Variants in KMT2E observed in about 807,000 individuals in gnomAD.
KMT2E encodes the protein histone reader KMT2E.
KMT2E carries 30 observed loss-of-function variants against 184.6 expected under a neutral mutation model. That is an observed-to-expected ratio of 0.16 (90% CI 0.12 to 0.22). KMT2E has a LOEUF of 0.22. Ranked by LOEUF, KMT2E falls within the 10% of genes least tolerant of loss-of-function variation. The pLI is 1.00. For synonymous variants in KMT2E, 815 were observed against 776.5 expected (o/e 1.05, Z -0.82); for missense variants, 2,023 against 2,237.4 (o/e 0.90, Z 1.93).
In KMT2E at chr7:105,090,129, AAAAGAC is replaced by A. The variant is rs1205941354; in HGVS notation, c.1485_1490del (p.Lys496_Asp497del). The A allele has an allele frequency of 1.2e-5, 19 of 1,613,480 alleles. No homozygotes were observed. The highest frequency in any genetic ancestry group is 1.4e-5 in the Non-Finnish European group (17 of 1,179,774). Reference sequence around the variant, plus strand: ...ATGAGACCAGACGGAAAAAAGGAAAAAAAGACAAAGATATTTCAAAAGAAAAAGATA... The same window carrying A: ...ATGAGACCAGACGGAAAAAAGGAAAAAAAGATATTTCAAAAGAAAAAGATA... On this transcript the variant is annotated inframe_deletion, in exon 14 of 27. Coordinates refer to ENST00000311117, the MANE Select transcript of KMT2E (RefSeq NM_182931.3).
At chr7:105,041,392 G>A (rs1795874378) in intron 3 of KMT2E, among the ~76,000 whole-genome samples, 1 of 152,064 alleles carries the variant, frequency 6.6e-6, no homozygotes. Flanking sequence ...TAATTTGTTG[G>A]TGCTTGGGTT....
At position 105,101,576 on chromosome 7, in the gene KMT2E, C is replaced by A; in HGVS notation, c.1874C>A (p.Ala625Asp). ...AAAGATACACAGATTGTCAGTGATG[C>A]TGAAGTTATTCAGGTATTATTTATT... ...ECKDTQIVSD[A>D]EVIQEQAKEE... Residue 625 changes from alanine (A) to aspartate (D), a missense_variant, in exon 16 of 27, where the codon GCT (alanine) becomes GAT (aspartate). Coordinates refer to ENST00000311117, the MANE Select transcript of KMT2E (RefSeq NM_182931.3). 1 of 1,543,882 alleles carries A rather than the reference C, an allele frequency of 6.5e-7. No homozygotes were observed. The highest frequency in any genetic ancestry group is 2.4e-5 in the East Asian group (1 of 42,150).
At chr7:105,054,397 GAA>G (rs1163489117) in intron 3 of KMT2E, among the ~76,000 whole-genome samples, 1 of 148,802 alleles carries the variant, frequency 6.7e-6, no homozygotes, top group Non-Finnish European at 1.5e-5. Flanking sequence ...GGAACTCAAG[GAA>G]AAAAAAAGGA....
At chr7:105,036,935 C>A (rs1312163735) in intron 1 of KMT2E, among the ~76,000 whole-genome samples, 2 of 152,132 alleles carry the variant, frequency 1.3e-5, no homozygotes, top group African/African-American at 2.4e-5. Flanking sequence ...CTTGCCCAAG[C>A]ATTCGTAGGT....
At chr7:105,083,071 C>G (rs566362003) in intron 13 of KMT2E, among the ~76,000 whole-genome samples, 2 of 152,266 alleles carry the variant, frequency 1.3e-5, no homozygotes, top group African/African-American at 4.8e-5. Flanking sequence ...TCCATGATCT[C>G]TTTCATGATT....
intron 1 of KMT2E, among the ~76,000 whole-genome samples, chr7:105,036,818 C>T (rs1231306167): frequency 6.6e-6 from 1 of 152,118 alleles, no homozygotes; most frequent in Non-Finnish European, 1.5e-5. Flanking sequence ...TTTTTAGAAT[C>T]TAAAATTCTG....
Position 105,107,167 on chromosome 7 carries a change from A to G in KMT2E, c.2849A>G (p.Asn950Ser). 1.4e-6 allele frequency: 2 copies of G among 1,468,802 alleles called. No homozygotes were observed. The highest frequency in any genetic ancestry group is 1.4e-5 in the African/African-American group (1 of 70,970). 91.0% of individuals were successfully genotyped at this position (1,468,802 alleles called of 1,614,324 possible). A position where few individuals can be genotyped will look rare whatever the true frequency, so the allele number is the denominator to read the frequency against. Reference protein sequence around the residue: ...GTPGNTMHFENISSPESSPEI... With the variant: ...GTPGNTMHFESISSPESSPEI... Reference sequence around the variant, plus strand: ...TTCTAATTCTTTCTTTATATACAGAATATTTCTTCCCCAGAAAGTTCTCCA... The same window carrying G: ...TTCTAATTCTTTCTTTATATACAGAGTATTTCTTCCCCAGAAAGTTCTCCA... Residue 950 changes from asparagine (N) to serine (S), a missense_variant and splice_region_variant, in exon 21 of 27, where the codon AAT becomes AGT. Asn to Ser is a conservative substitution (Grantham distance 46, BLOSUM62 1). Transcript: ENST00000311117.
At chr7:105,041,471 A>G (rs1473279088) in intron 3 of KMT2E, among the ~76,000 whole-genome samples, 1 of 152,058 alleles carries the variant, frequency 6.6e-6, no homozygotes, top group Non-Finnish European at 1.5e-5. Flanking sequence ...GCTCTATCTC[A>G]GCTCATTGCA....
At chr7:105,025,616 G>C (rs1300112550) in intron 1 of KMT2E, among the ~76,000 whole-genome samples, 1 of 152,114 alleles carries the variant, frequency 6.6e-6, no homozygotes, top group East Asian at 1.9e-4. Context: ...ACTTTCTGCT[G>C]CTTCCACCAG....
intron 17 of KMT2E, chr7:105,102,869 G>T (rs1309835880): frequency 6.6e-6 from 1 of 152,206 alleles, no homozygotes; most frequent in African/African-American, 2.4e-5. Flanking sequence ...TTCTGTCTTT[G>T]TTCTTACCTA....
At chr7:105,089,304 T>G in intron 13 of KMT2E, 1 of 411,910 alleles carries the variant, frequency 2.4e-6, no homozygotes, top group Non-Finnish European at 4.8e-6. Context: ...GTTCAGGCAA[T>G]TCTCCTGCCT....
rs187060721 is a variant in KMT2E at position 105,110,773 on chromosome 7, C to T, written c.3973C>T (p.Pro1325Ser). The T allele has an allele frequency of 4.3e-4, 689 of 1,612,630 alleles. 1 individual carries two copies. Among genetic ancestry groups the T allele is most frequent in the Admixed American group, 9.0e-4 (54 of 59,984 alleles). ...TATAGGTTTCTTCTGCTTTATAGAC[C>T]CTGATCCTGAAAATCCAGAACCCAC... Reference protein sequence around the residue: ...VPSFSELMEDPDPENPEPTTT... With the variant: ...VPSFSELMEDSDPENPEPTTT... Residue 1325 changes from proline to serine, a missense_variant and splice_region_variant, in exon 26 of 27, where the codon CCT (proline) becomes TCT (serine). Transcript: ENST00000311117.
intron 22 of KMT2E, 50 bp downstream of exon 22, chr7:105,107,975 T>C (rs757722824): frequency 3.8e-5 from 44 of 1,158,714 alleles, no homozygotes; most frequent in African/African-American, 3.1e-4. Context: ...TTTTTTTTTT[T>C]CATAATACTA....
chr7:105,112,302 G>A lies in KMT2E; in HGVS notation c.4546G>A (p.Gly1516Arg), dbSNP rs760825586. The A allele has an allele frequency of 3.7e-6, 6 of 1,613,786 alleles. No individual in the cohort carries two copies. In the African/African-American group the frequency reaches 8.0e-5, roughly 22 times the overall value. ...AGCCAATACTCAGCAGGCAACTTCTGGAACATTATTTACACAGACACCCTC... is the reference window on the plus strand; with the variant it reads ...AGCCAATACTCAGCAGGCAACTTCTAGAACATTATTTACACAGACACCCTC... ...LPANTQQATS[G>R]TLFTQTPSGQ... The change falls in exon 27 of 27, where the codon GGA becomes AGA. Residue 1516 changes from glycine (G) to arginine (R), a missense_variant. Transcript: ENST00000311117.
At chr7:105,057,548 G>T (rs1348226013) in intron 3 of KMT2E, among the ~76,000 whole-genome samples, 1 of 152,004 alleles carries the variant, frequency 6.6e-6, no homozygotes, top group Non-Finnish European at 1.5e-5. Context: ...TGTCTCAGGT[G>T]ATCCTTTTGC....
chr7:105,078,372 T>A (rs1163369268), intron 11 of KMT2E, among the ~76,000 whole-genome samples: 3 of 152,304 alleles, frequency 2.0e-5, no homozygotes, highest in Non-Finnish European at 4.4e-5. Flanking sequence ...AAGAGTGAAT[T>A]GTGGAGTCAG....
Position 105,105,898 on chromosome 7 carries a change from A to G in KMT2E, c.2491A>G (p.Ile831Val), listed in dbSNP as rs757934675. Reference sequence around the variant, plus strand: ...AGCTCTGGAAGAAGAAAATTCAGCAATTTTACATAGATTTAATTCACCCTG... The same window carrying G: ...AGCTCTGGAAGAAGAAAATTCAGCAGTTTTACATAGATTTAATTCACCCTG... ...KQALEEENSA[I>V]LHRFNSPCQE... Residue 831 changes from isoleucine (I) to valine (V), a missense_variant, in exon 19 of 27, where the codon ATT becomes GTT. By Grantham distance (29) the Ile-to-Val change is conservative (BLOSUM62 3). Coordinates refer to ENST00000311117, the MANE Select transcript of KMT2E (RefSeq NM_182931.3). The G allele has an allele frequency of 3.1e-6, 5 of 1,613,242 alleles. No homozygotes were observed. The highest frequency in any genetic ancestry group is 1.3e-5 in the African/African-American group (1 of 74,962).
chr7:105,071,598 ATATATATATATTTTTTTTT>A (rs1797308649), intron 6 of KMT2E, among the ~76,000 whole-genome samples: 1 of 63,288 alleles, frequency 1.6e-5, no homozygotes, highest in African/African-American at 6.6e-5. Flanking sequence ...ATATATATAT[ATATATATATATTTTTTTTT>A]TTTTTTTTTT....
At chr7:105,086,887 TTATAGCA>T (rs1797989089) in intron 13 of KMT2E, among the ~76,000 whole-genome samples, 1 of 118,256 alleles carries the variant, frequency 8.5e-6, no homozygotes, top group Non-Finnish European at 1.6e-5. Context: ...ATGCTATATA[TTATAGCA>T]TATATATTAT....
Sources: gnomAD v4.1 joint callset for allele counts (sites outside exome capture counted in the v4.1 genomes callset) on GRCh38, gnomAD v4.1.1 for gene constraint, MANE v1.5 for transcripts, NCBI Gene and HGNC (gene_info 2026-07-23, HGNC 2026-07-21) for gene names.